RLIG1: variants seen among roughly 807,000 people sequenced by gnomAD.
RLIG1 encodes the protein RNA 5'-phosphate and 3'-OH ligase 1.
the RLIG1 span, among the ~76,000 whole-genome samples, chr12:88,038,497 A>G: frequency 1.3e-5 from 2 of 152,184 alleles, no homozygotes; most frequent in Non-Finnish European, 1.5e-5. Context: ...CTAACTCAAG[A>G]GTCAAGAGAT....
the RLIG1 span, among the ~76,000 whole-genome samples, chr12:88,038,137 A>G: frequency 6.6e-6 from 1 of 152,188 alleles, no homozygotes; most frequent in Non-Finnish European, 1.5e-5. Flanking sequence ...TTGAGTACTC[A>G]TGGTGCAAAG....
the RLIG1 span, chr12:88,048,242 C>T: frequency 1.4e-5 from 21 of 1,549,482 alleles, no homozygotes; most frequent in Non-Finnish European, 1.8e-5. Context: ...AGGTCCATCG[C>T]CATCATCTTG....
the RLIG1 span, chr12:88,040,380 T>C: frequency 2.9e-5 from 16 of 560,212 alleles, no homozygotes; most frequent in African/African-American, 1.2e-4. Context: ...CTAAGTATAG[T>C]AGCAAAACAA....
At chr12:88,048,838 G>C in the RLIG1 span, 15 of 185,224 alleles carry the variant, frequency 8.1e-5, no homozygotes, top group Admixed American at 3.0e-4. Context: ...CATAGGATTT[G>C]AGAATCTTAA....
the RLIG1 span, chr12:88,048,187 A>AAGAT: frequency 3.0e-5 from 41 of 1,374,982 alleles, no homozygotes; most frequent in East Asian, 2.1e-4. Context: ...TAAGTGAATG[A>AAGAT]AGATAGTATC....
chr12:88,035,674 G>A, the RLIG1 span: 1 of 1,608,440 alleles, frequency 6.2e-7, no homozygotes, highest in Non-Finnish European at 8.5e-7. Flanking sequence ...TCCGTGCAGC[G>A]GAAAATGCCG....
At chr12:88,049,015 A>G in the RLIG1 span, 115 of 423,990 alleles carry the variant, frequency 2.7e-4, 2 homozygotes, top group South Asian at 5.7e-3. Flanking sequence ...TACTTTTATA[A>G]TAAGTTGAAA....
At chr12:88,049,372 G>C in the RLIG1 span, 1 of 1,553,616 alleles carries the variant, frequency 6.4e-7, no homozygotes, top group East Asian at 2.3e-5. Context: ...AAAAATGAAG[G>C]ATCAAAATTT....
At chr12:88,042,574 G>A in the RLIG1 span, 1 of 272,182 alleles carries the variant, frequency 3.7e-6, no homozygotes, top group Non-Finnish European at 6.8e-6. Context: ...CATACAATAT[G>A]ACTATGCAGT....
chr12:88,043,254 A>C, the RLIG1 span, among the ~76,000 whole-genome samples: 1 of 152,214 alleles, frequency 6.6e-6, no homozygotes, highest in African/African-American at 2.4e-5. Flanking sequence ...ATGCTTTTAA[A>C]TATCTGTAGT....
chr12:88,040,292 C>A, the RLIG1 span: 1 of 1,207,998 alleles, frequency 8.3e-7, no homozygotes, highest in Non-Finnish European at 1.2e-6. Context: ...ATATTTACTA[C>A]AAATATTACT....
the RLIG1 span, among the ~76,000 whole-genome samples, chr12:88,046,162 A>G: frequency 6.6e-6 from 1 of 152,180 alleles, no homozygotes; most frequent in African/African-American, 2.4e-5. Flanking sequence ...GAATAATACC[A>G]TGTTAAGTAT....
At chr12:88,036,068 A>G in the RLIG1 span, 1 of 1,391,788 alleles carries the variant, frequency 7.2e-7, no homozygotes, top group African/African-American at 1.4e-5. Context: ...GAAACCCCCT[A>G]ATCAGGTAAT....
chr12:88,047,048 A>C, the RLIG1 span: 2 of 1,363,076 alleles, frequency 1.5e-6, no homozygotes, highest in Non-Finnish European at 2.0e-6. Flanking sequence ...GTGACACTAA[A>C]ATTCTCTCTA....
At chr12:88,048,339 G>A in the RLIG1 span, 1 of 1,603,854 alleles carries the variant, frequency 6.2e-7, no homozygotes, top group Non-Finnish European at 8.5e-7. Flanking sequence ...CTCTGCCTTT[G>A]ATATTAAGTG....
At chr12:88,043,865 A>C in the RLIG1 span, 1 of 635,964 alleles carries the variant, frequency 1.6e-6, no homozygotes, top group South Asian at 1.9e-5. Flanking sequence ...AAAGTCCTAC[A>C]TACATTTTAT....
the RLIG1 span, among the ~76,000 whole-genome samples, chr12:88,043,298 TTA>T: frequency 1.3e-5 from 2 of 152,128 alleles, no homozygotes; most frequent in African/African-American, 2.4e-5. Context: ...ATTCATGTAT[TTA>T]TGTTTATATT....
the RLIG1 span, chr12:88,046,719 T>C: frequency 7.9e-7 from 1 of 1,260,844 alleles, no homozygotes; most frequent in Non-Finnish European, 1.1e-6. Context: ...TCCTAAGTGT[T>C]TCAAAAGACT....
chr12:88,039,730 T>G, the RLIG1 span, among the ~76,000 whole-genome samples: 2 of 152,178 alleles, frequency 1.3e-5, no homozygotes, highest in Non-Finnish European at 2.9e-5. Context: ...GCATTGTGCT[T>G]CTTTTGTCTC....
Sources: allele counts gnomAD v4.1 joint callset (sites outside exome capture counted in the v4.1 genomes callset), GRCh38; gene constraint gnomAD v4.1.1; transcripts MANE v1.5; gene names NCBI Gene and HGNC (gene_info 2026-07-23, HGNC 2026-07-21).